Variants in RASA3 observed in about 807,000 individuals in gnomAD.
RASA3 encodes ras GTPase-activating protein 3.
Under a neutral mutation model 110.0 loss-of-function variants are expected in RASA3, and 73 were observed. The ratio of observed to expected loss-of-function variants is 0.66; its 90% confidence interval spans 0.55 to 0.81. The LOEUF (loss-of-function observed/expected upper bound fraction) is 0.81. Ranked by LOEUF, RASA3 falls within the 30% of genes least tolerant of loss-of-function variation. RASA3 has a pLI of 0.00. For synonymous variants in RASA3, 500 were observed against 451.4 expected (o/e 1.11, Z -1.37); for missense variants, 976 against 1,113.2 (o/e 0.88, Z 1.75).
chr13:114,125,079 G>A (rs1042982897), intron 1 of RASA3, among the ~76,000 whole-genome samples: 1 of 152,114 alleles, frequency 6.6e-6, no homozygotes, highest in African/African-American at 2.4e-5. Flanking sequence ...TCTTCTAGGG[G>A]GTGGTGTTGG....
intron 1 of RASA3, among the ~76,000 whole-genome samples, chr13:114,080,168 A>G (rs61973932): frequency 0.076 from 11,567 of 152,198 alleles, 457 homozygotes; most frequent in Middle Eastern, 0.15. Context: ...GGTCTTGTCC[A>G]GGGCTCTCCA....
At chr13:113,990,277 G>A (rs767460813) in intron 22 of RASA3, among the ~76,000 whole-genome samples, 16 of 152,160 alleles carry the variant, frequency 1.1e-4, no homozygotes, top group Non-Finnish European at 1.3e-4. Context: ...GTTGGGAAGC[G>A]CCTGGAGGAA....
Position 114,073,746 on chromosome 13 carries a change from C to T in RASA3, c.147G>A (p.Arg49=), listed in dbSNP as rs775904721. Residue 49 remains arginine (R), a synonymous_variant, in exon 2 of 24, where the codon AGG becomes AGA. Coordinates refer to ENST00000334062, the MANE Select transcript of RASA3 (RefSeq NM_007368.4). ...AGAGTGACTTTTCCACAATTTTGGT[C>T]CTGAAAACCTCCTCCTGGTCCAGGT... is the stretch of plus-strand genomic sequence containing the variant. ...TVNLDQEEVF[R]TKIVEKSLCP... 1.2e-6 allele frequency: 2 copies of T among 1,614,150 alleles called. No individual in the cohort carries two copies. Among genetic ancestry groups the T allele is most frequent in the East Asian group, 2.2e-5 (1 of 44,886 alleles).
rs768142864 is a variant in RASA3, at chr13:114,009,508, C to T, written c.1591-44G>A. Reference sequence around the variant, plus strand: ...CACTCGAGGACAGCCCGAAGTACCTCGGCTCACGGCCCAAATCTGAAAAAG... The same window carrying T: ...CACTCGAGGACAGCCCGAAGTACCTTGGCTCACGGCCCAAATCTGAAAAAG... On this transcript the variant is annotated intron_variant, in intron 16 of 23. Coordinates refer to ENST00000334062, the MANE Select transcript of RASA3 (RefSeq NM_007368.4). 6.1e-5 allele frequency: 80 copies of T among 1,300,842 alleles called. 1 individual carries two copies. The highest frequency in any genetic ancestry group is 4.3e-4 in the South Asian group (36 of 84,378). The allele number at this position is 1,300,842 out of a possible 1,614,324, so 80.6% of individuals were successfully genotyped here.
At chr13:113,981,986 C>T in intron 22 of RASA3, 128 bp from the exon 23 acceptor site, 1 of 791,164 alleles carries the variant, frequency 1.3e-6, no homozygotes, top group South Asian at 1.9e-5. Flanking sequence ...CCAGAAAGGG[C>T]TGACCACCAC....
chr13:114,102,723 C>T (rs988393621), intron 1 of RASA3, among the ~76,000 whole-genome samples: 1 of 152,208 alleles, frequency 6.6e-6, no homozygotes, highest in Non-Finnish European at 1.5e-5. Flanking sequence ...TCCTGCCTCA[C>T]CTACCCCCAG....
Position 114,007,544 on chromosome 13 carries a change from C to T in RASA3, c.1731G>A (p.Val577=). 6.2e-7 allele frequency: 1 copy of T among 1,613,126 alleles called. No individual in the cohort carries two copies. The highest frequency in any genetic ancestry group is 8.5e-7 in the Non-Finnish European group (1 of 1,179,476). ...CTTACCCTCCTTACCCTTCTTTAAG[C>T]ACGATGGGCTGCTCAACACTCTTGG... The part of the protein sequence containing the change: ...RDPKSVEQPI[V]LKEGFMIKRA... Residue 577 remains valine (V), a synonymous_variant, in exon 18 of 24, where the codon GTG becomes GTA. Coordinates refer to ENST00000334062, the MANE Select transcript of RASA3 (RefSeq NM_007368.4).
chr13:114,042,911 G>A (rs1010221324), intron 3 of RASA3, among the ~76,000 whole-genome samples: 3 of 152,226 alleles, frequency 2.0e-5, no homozygotes, highest in African/African-American at 7.2e-5. Context: ...AGACGAGCAG[G>A]CCGGGGCTGC....
chr13:114,016,068 G>T, intron 13 of RASA3, 129 bp downstream of exon 13: 1 of 742,008 alleles, frequency 1.3e-6, no homozygotes, highest in Non-Finnish European at 2.3e-6. Flanking sequence ...GGTGAGGCGG[G>T]TATCCCCACG....
At chr13:114,069,555 C>CG (rs2139652635) in intron 2 of RASA3, among the ~76,000 whole-genome samples, 1 of 4,722 alleles carries the variant, frequency 2.1e-4, no homozygotes, top group Non-Finnish European at 3.5e-4. Context: ...TCGGGAGACT[C>CG]GGGGGTTGGG....
chr13:114,126,185 C>T (rs1221055334), intron 1 of RASA3, among the ~76,000 whole-genome samples: 1 of 149,340 alleles, frequency 6.7e-6, no homozygotes, highest in East Asian at 2.0e-4. Flanking sequence ...ACCTCGCACC[C>T]TCCAGAGGTA....
chr13:114,083,112 T>A (rs970781735), intron 1 of RASA3, among the ~76,000 whole-genome samples: 3 of 152,264 alleles, frequency 2.0e-5, no homozygotes, highest in Admixed American at 1.3e-4. Flanking sequence ...ACATCTCTTC[T>A]GGCTTTCACA....
At chr13:114,002,912 CG>C (rs1426205048) in intron 18 of RASA3, among the ~76,000 whole-genome samples, 1 of 152,248 alleles carries the variant, frequency 6.6e-6, no homozygotes, top group Non-Finnish European at 1.5e-5. Flanking sequence ...ACACACGCTG[CG>C]CTGCAGAGGC....
chr13:114,123,999 G>A (rs557811315), intron 1 of RASA3, among the ~76,000 whole-genome samples: 1 of 152,334 alleles, frequency 6.6e-6, no homozygotes, highest in Non-Finnish European at 1.5e-5. Flanking sequence ...ATCAATTCCA[G>A]GTCAAGGCAC....
At chr13:114,074,215 C>T (rs978037957) in intron 1 of RASA3, among the ~76,000 whole-genome samples, 1 of 152,230 alleles carries the variant, frequency 6.6e-6, no homozygotes, top group African/African-American at 2.4e-5. Flanking sequence ...ACCATCACCA[C>T]CGTCCTCTCT....
Position 113,993,333 on chromosome 13 carries a change from G to A in RASA3, c.2142-745C>T, listed in dbSNP as rs550442798. Among the ~76,000 whole-genome samples the A allele has an allele frequency of 3.9e-5, 6 of 151,944 alleles. No individual in the cohort carries two copies. The South Asian group carries it at 1.3e-3, about 32-fold the overall frequency. On this transcript the variant is annotated intron_variant, in intron 21 of 23. Transcript: ENST00000334062. Reference sequence around the variant, plus strand: ...TGGGATTATAGGCACACACCACCACGCCTGGCTAATTTTTGTATTTTTAGT... The same window carrying A: ...TGGGATTATAGGCACACACCACCACACCTGGCTAATTTTTGTATTTTTAGT...
At chr13:114,052,234 T>C (rs1236216393) in intron 2 of RASA3, 79 bp from the exon 3 acceptor site, 1 of 941,152 alleles carries the variant, frequency 1.1e-6, no homozygotes, top group Non-Finnish European at 1.7e-6. Context: ...CGTGTGGTCT[T>C]AGTTTTAAAC....
chr13:114,083,608 A>C (rs34826746), intron 1 of RASA3, among the ~76,000 whole-genome samples: 59 of 85,648 alleles, frequency 6.9e-4, no homozygotes, highest in East Asian at 1.0e-3. Flanking sequence ...CGGGGAAATC[A>C]CGGGGAAGTG....
intron 1 of RASA3, among the ~76,000 whole-genome samples, chr13:114,118,704 C>T (rs1429957165): frequency 2.0e-5 from 3 of 152,276 alleles, no homozygotes; most frequent in Non-Finnish European, 4.4e-5. Flanking sequence ...AGCTTTTGAG[C>T]TCCGCACACT....
Sources: gnomAD v4.1 joint callset for allele counts (sites outside exome capture counted in the v4.1 genomes callset) on GRCh38, gnomAD v4.1.1 for gene constraint, MANE v1.5 for transcripts, NCBI Gene and HGNC (gene_info 2026-07-23, HGNC 2026-07-21) for gene names.